Variants in MUSK observed in about 807,000 individuals in gnomAD.
The protein encoded by MUSK is muscle, skeletal receptor tyrosine-protein kinase.
Under a neutral mutation model 88.7 loss-of-function variants are expected in MUSK, and 55 were observed. That is an observed-to-expected ratio of 0.62 (90% confidence interval 0.50 to 0.78). MUSK has a LOEUF of 0.78. Among genes scored for constraint, MUSK ranks in the 30% least tolerant of loss-of-function variants. MUSK has a pLI of 0.00. For synonymous variants in MUSK, 387 were observed against 391.9 expected (o/e 0.99, Z 0.15); for missense variants, 1,015 against 1,074.3 (o/e 0.94, Z 0.77).
chr9:110,711,169 G>A (rs947612643), intron 5 of MUSK, among the ~76,000 whole-genome samples: 6 of 152,208 alleles, frequency 3.9e-5, no homozygotes, highest in Middle Eastern at 3.4e-3. Flanking sequence ...GAGTTAATGG[G>A]TGCAGCACAC....
At chr9:110,764,265 GAGA>G (rs2077441952) in intron 8 of MUSK, among the ~76,000 whole-genome samples, 1 of 152,182 alleles carries the variant, frequency 6.6e-6, no homozygotes, top group Non-Finnish European at 1.5e-5. Flanking sequence ...ACTGCAGGCA[GAGA>G]AACACAACTT....
At chr9:110,703,809 A>T (rs2076561405) in intron 5 of MUSK, among the ~76,000 whole-genome samples, 1 of 152,192 alleles carries the variant, frequency 6.6e-6, no homozygotes, top group Admixed American at 6.5e-5. Context: ...TATGAGAGGC[A>T]ATACTCAAAA....
intron 9 of MUSK, among the ~76,000 whole-genome samples, chr9:110,769,043 T>A (rs995374327): frequency 3.3e-5 from 5 of 152,196 alleles, no homozygotes; most frequent in Admixed American, 3.3e-4. Context: ...ATGTGTGTGG[T>A]CTTGGCTAAA....
intron 2 of MUSK, among the ~76,000 whole-genome samples, chr9:110,684,560 G>A (rs188206646): frequency 9.4e-4 from 143 of 151,622 alleles, no homozygotes; most frequent in African/African-American, 3.4e-3. Flanking sequence ...TCTATAGACT[G>A]CTTTTGGTAG....
intron 12 of MUSK, 122 bp from the exon 13 acceptor site, chr9:110,785,405 G>A (rs182914130): frequency 2.4e-6 from 2 of 841,608 alleles, no homozygotes; most frequent in South Asian, 2.5e-5. Context: ...AGGATCTTTG[G>A]CTGCCTTAGT....
rs1017931089 is a variant in MUSK, at chr9:110,803,985, A to G, written c.*2997A>G. On this transcript the variant is annotated 3_prime_UTR_variant, in exon 15 of 15. Transcript: ENST00000374448. ...CAAATACCAAACATGGTAAGATACC[A>G]GAGTATTTTTCACATGACACCCAAA... 6.6e-6 allele frequency among the ~76,000 whole-genome samples: 1 copy of G among 152,228 alleles called. No individual in the cohort carries two copies. The highest frequency in any genetic ancestry group is 2.4e-5 in the African/African-American group (1 of 41,458).
intron 6 of MUSK, among the ~76,000 whole-genome samples, chr9:110,743,960 CTT>C (rs869252095): frequency 1.4e-5 from 2 of 144,002 alleles, no homozygotes; most frequent in Admixed American, 7.0e-5. Flanking sequence ...GGGCAACATC[CTT>C]TTTTTTTTTT....
chr9:110,764,786 G>A (rs561386110), intron 8 of MUSK, among the ~76,000 whole-genome samples: 2 of 152,230 alleles, frequency 1.3e-5, no homozygotes, highest in South Asian at 2.1e-4. Flanking sequence ...CTTTGTATGT[G>A]TATGTTTTTT....
At chr9:110,760,309 C>T (rs2077380040) in intron 7 of MUSK, among the ~76,000 whole-genome samples, 1 of 152,146 alleles carries the variant, frequency 6.6e-6, no homozygotes, top group African/African-American at 2.4e-5. Context: ...TGGAATCAAC[C>T]TAAATGCCTA....
In MUSK at chr9:110,681,508, C is replaced by T. The variant is rs188097434; in HGVS notation, c.80-1166C>T. Among the ~76,000 whole-genome samples the T allele has an allele frequency of 1.7e-4, 26 of 151,880 alleles. No individual in the cohort carries two copies. The East Asian group carries it at 4.8e-3, about 28-fold the overall frequency. ...GATCATTTTAATAGTATCTGTGTGA[C>T]AAGTGGCATTATAAGAATGACATTT... On this transcript the variant is annotated intron_variant, in intron 1 of 14. Transcript: ENST00000374448.
intron 6 of MUSK, among the ~76,000 whole-genome samples, chr9:110,743,350 A>T (rs2077128482): frequency 6.6e-6 from 1 of 152,244 alleles, no homozygotes; most frequent in African/African-American, 2.4e-5. Context: ...GATGAAGTTC[A>T]GAGTGAATAG....
chr9:110,728,791 T>C lies in MUSK; in HGVS notation c.629-5460T>C, dbSNP rs984168768. On this transcript the variant is annotated intron_variant, in intron 5 of 14. Transcript: ENST00000374448. ...TTCAATTGTTTATTTTTGTTGACCT[T>C]ATAAACAGCTCTAAGTGCCATTTTT... 4.9e-6 allele frequency: 6 copies of C among 1,228,388 alleles called. No individual in the cohort carries two copies. In the African/African-American group the frequency reaches 6.2e-5, roughly 13 times the overall value. The allele number at this position is 1,228,388 out of a possible 1,614,324, so 76.1% of individuals were successfully genotyped here.
Position 110,804,739 on chromosome 9 carries a change from GCAATAATATA to G in MUSK, c.*3761_*3770del, listed in dbSNP as rs1471478181. On this transcript the variant is annotated 3_prime_UTR_variant, in exon 15 of 15. Transcript: ENST00000374448. ...TTATGTTTGAAAAGAAAAATAATAT[GCAATAATATA>G]CAATAATATGTATAATCATAATAGA... is the stretch of plus-strand genomic sequence containing the variant. Among the ~76,000 whole-genome samples, 13 of 151,612 alleles carry G rather than the reference GCAATAATATA, an allele frequency of 8.6e-5. No individual in the cohort carries two copies. The highest frequency in any genetic ancestry group is 1.7e-4 in the African/African-American group (7 of 41,332).
At chr9:110,711,457 G>A (rs1214705207) in intron 5 of MUSK, among the ~76,000 whole-genome samples, 3 of 152,156 alleles carry the variant, frequency 2.0e-5, no homozygotes, top group African/African-American at 7.2e-5. Flanking sequence ...CAGGTTGTAA[G>A]GGAGGTCACT....
chr9:110,801,706 C>A lies in MUSK; in HGVS notation c.*718C>A, dbSNP rs2078100161. On this transcript the variant is annotated 3_prime_UTR_variant, in exon 15 of 15. Coordinates refer to ENST00000374448, the MANE Select transcript of MUSK (RefSeq NM_005592.4). ...AATTAAGTCTGCTTATTTTATTCCT[C>A]CAGTTTTCTTGAAACAAGTTTTTGT... The A allele has an allele frequency of 6.6e-6, 1 of 152,132 alleles. No homozygotes were observed. Among genetic ancestry groups the A allele is most frequent in the Non-Finnish European group, 1.5e-5 (1 of 68,030 alleles). The allele number at this position is 152,132 out of a possible 1,614,324, so 9.4% of individuals were successfully genotyped here.
intron 14 of MUSK, among the ~76,000 whole-genome samples, chr9:110,797,409 T>C (rs887934710): frequency 1.3e-5 from 2 of 151,672 alleles, no homozygotes; most frequent in Non-Finnish European, 2.9e-5. Context: ...GAAAATGAGA[T>C]TATGGGAGGT....
rs375722337 is a variant in MUSK, at chr9:110,805,750, T to A, written c.*4762T>A. ...GAATTTATTTCCTAATGTAGCGATA[T>A]CCTTGTCTTCTAGGAATAAACTTTT... On this transcript the variant is annotated 3_prime_UTR_variant, in exon 15 of 15. Transcript: ENST00000374448. 6.6e-6 allele frequency among the ~76,000 whole-genome samples: 1 copy of A among 152,014 alleles called. No homozygotes were observed. Among genetic ancestry groups the A allele is most frequent in the African/African-American group, 2.4e-5 (1 of 41,438 alleles).
At chr9:110,669,925 A>C (rs561322604) in intron 1 of MUSK, among the ~76,000 whole-genome samples, 2 of 152,148 alleles carry the variant, frequency 1.3e-5, no homozygotes, top group Non-Finnish European at 2.9e-5. Context: ...TTTTCCCTTT[A>C]TATTAATCAA....
intron 9 of MUSK, among the ~76,000 whole-genome samples, chr9:110,772,247 C>A (rs950797932): frequency 9.2e-5 from 14 of 151,544 alleles, no homozygotes; most frequent in African/African-American, 3.1e-4. Flanking sequence ...GCATTTATGT[C>A]CCAGATCAGT....
Sources: allele counts gnomAD v4.1 joint callset (sites outside exome capture counted in the v4.1 genomes callset), GRCh38; gene constraint gnomAD v4.1.1; transcripts MANE v1.5; gene names NCBI Gene and HGNC (gene_info 2026-07-23, HGNC 2026-07-21).